ACADS: variants seen among roughly 807,000 people sequenced by gnomAD.
ACADS encodes the protein acyl-CoA dehydrogenase short chain.
In ACADS, 28 loss-of-function variants were observed where a neutral mutation model predicts 46.8. The observed-to-expected ratio is 0.60, with a 90% confidence interval of 0.44 to 0.82. The LOEUF (loss-of-function observed/expected upper bound fraction) is 0.82. Among genes scored for constraint, ACADS ranks in the 40% least tolerant of loss-of-function variants. The pLI is 0.00. For synonymous variants in ACADS, 236 were observed against 237.7 expected, an observed-to-expected ratio of 0.99 and a Z score of 0.07; for missense variants, 528 against 578.0, an observed-to-expected ratio of 0.91 and a Z score of 0.89.
chr12:120,735,297 GAAAC>G (rs10570826), intron 2 of ACADS, among the ~76,000 whole-genome samples: 9,324 of 77,502 alleles, frequency 0.12, 1,185 homozygotes, highest in African/African-American at 0.34. Context: ...AAAGAAAAAA[GAAAC>G]AAACAAAGTG....
chr12:120,737,989 G>T lies in ACADS; in HGVS notation c.624+1G>T. ...CACGGACAGAGCCCTGCAAAACAAG[G>T]TGGGCCCACCCAGAGAGGGGTTCAG... On this transcript the variant is annotated splice_donor_variant, in intron 5 of 9. Transcript: ENST00000242592. LOFTEE classifies it high-confidence loss of function. 1 of 1,613,802 alleles carries T rather than the reference G, an allele frequency of 6.2e-7. No individual in the cohort carries two copies. Among genetic ancestry groups the T allele is most frequent in the Non-Finnish European group, 8.5e-7 (1 of 1,180,030 alleles).
chr12:120,739,537 CG>C lies in ACADS; in HGVS notation c.*94del. On this transcript the variant is annotated 3_prime_UTR_variant, in exon 10 of 10. Coordinates refer to ENST00000242592, the MANE Select transcript of ACADS (RefSeq NM_000017.4). ...CCGGCTCAGAGACTGGGCGGCCCGG[CG>C]GGGGCTCCCTGGGGACCCCAGATGG... 6.6e-7 allele frequency: 1 copy of C among 1,509,524 alleles called. No homozygotes were observed. The allele number at this position is 1,509,524 out of a possible 1,614,324, so 93.5% of individuals were successfully genotyped here.
chr12:120,730,852 A>C (rs1883227578), intron 2 of ACADS, among the ~76,000 whole-genome samples: 1 of 152,146 alleles, frequency 6.6e-6, no homozygotes, highest in East Asian at 1.9e-4. Flanking sequence ...GAGCTAGTTT[A>C]GCCTTATTCT....
chr12:120,726,341 AGTT>A (rs1377364687), intron 1 of ACADS, among the ~76,000 whole-genome samples: 1 of 151,812 alleles, frequency 6.6e-6, no homozygotes, highest in Non-Finnish European at 1.5e-5. Flanking sequence ...AGAAAATCAG[AGTT>A]GTTGGGAGGA....
intron 3 of ACADS, 96 bp from the exon 4 acceptor site, chr12:120,737,260 T>TA: frequency 6.5e-7 from 1 of 1,530,018 alleles, no homozygotes; most frequent in Non-Finnish European, 8.9e-7. Flanking sequence ...TCCTACTGGG[T>TA]AGGCCCTGGA....
At position 120,728,126 on chromosome 12, in the gene ACADS, C is replaced by T. The variant is rs1883143186; in HGVS notation, c.210+937C>T. ...CACGCCCAGCTAGTTTTTGTACTTT[C>T]AGTAGAGATGGGGTTTCTCCATGTT... On this transcript the variant is annotated intron_variant, in intron 2 of 9. Coordinates refer to ENST00000242592, the MANE Select transcript of ACADS (RefSeq NM_000017.4). The surrounding 1 kb of genome is among the most constrained non-coding windows in gnomAD (Gnocchi z 4.0). 6.6e-6 allele frequency among the ~76,000 whole-genome samples: 1 copy of T among 150,964 alleles called. No individual in the cohort carries two copies. Among genetic ancestry groups the T allele is most frequent in the Admixed American group, 6.6e-5 (1 of 15,186 alleles).
intron 2 of ACADS, among the ~76,000 whole-genome samples, chr12:120,730,051 C>T (rs1159426942): frequency 2.0e-5 from 3 of 152,014 alleles, no homozygotes; most frequent in South Asian, 2.1e-4. Context: ...GGTGCGATCT[C>T]GGCTCACTGT....
Sources: gnomAD v4.1 joint callset for allele counts (sites outside exome capture counted in the v4.1 genomes callset) on GRCh38, gnomAD v4.1.1 for gene constraint, Gnocchi (gnomAD v3.1) non-coding constraint, MANE v1.5 for transcripts, NCBI Gene and HGNC (gene_info 2026-07-23, HGNC 2026-07-21) for gene names.